The following RBFOX1 variants were observed in gnomAD, a reference collection of about 807,000 sequenced individuals.
The protein encoded by RBFOX1 is RNA binding protein fox-1 homolog 1.
RBFOX1 carries 8 observed loss-of-function variants against 57.7 expected under a neutral mutation model. The observed-to-expected ratio is 0.14, with a 90% CI of 0.08 to 0.25. The LOEUF is 0.25. RBFOX1 is among the 10% of genes least tolerant of loss of function. RBFOX1 has a pLI of 1.00. For missense variants in RBFOX1, 611 were observed against 548.5 expected (o/e 1.11, Z -1.14); for synonymous variants, 326 against 222.4 (o/e 1.47, Z -4.15).
chr16:5,776,620 T>G (rs905199961), intron 3 of RBFOX1, among the ~76,000 whole-genome samples: 13 of 152,260 alleles, frequency 8.5e-5, no homozygotes, highest in African/African-American at 3.1e-4. Context: ...TTGTCCACAG[T>G]GAGCCTTCAT....
chr16:6,610,549 C>G (rs59169023), intron 2 of RBFOX1, among the ~76,000 whole-genome samples: 1,959 of 152,192 alleles, frequency 0.013, 57 homozygotes, highest in African/African-American at 0.044. Context: ...AGACTGCTCT[C>G]AAAATCCTGG....
At chr16:6,658,435 C>T (rs902104373) in intron 3 of RBFOX1, among the ~76,000 whole-genome samples, 2 of 152,018 alleles carry the variant, frequency 1.3e-5, no homozygotes, top group Non-Finnish European at 2.9e-5. Context: ...TCTTGAACTC[C>T]TGACCTCGTG....
intron 4 of RBFOX1, among the ~76,000 whole-genome samples, chr16:7,403,460 T>A (rs2098278215): frequency 6.6e-6 from 1 of 152,182 alleles, no homozygotes; most frequent in South Asian, 2.1e-4. Flanking sequence ...TTTTAGATCC[T>A]GCATGTAAGT....
At chr16:6,551,467 A>G (rs1373608038) in intron 2 of RBFOX1, among the ~76,000 whole-genome samples, 1 of 152,226 alleles carries the variant, frequency 6.6e-6, no homozygotes, top group Non-Finnish European at 1.5e-5. Flanking sequence ...GCTGTCTAAC[A>G]TAAGTAACCA....
At position 7,653,887 on chromosome 16, in the gene RBFOX1, G is replaced by A. The variant is rs376377058; in HGVS notation, c.830G>A (p.Arg277His). 1 of 1,601,450 alleles carries A rather than the reference G, an allele frequency of 6.2e-7. No homozygotes were observed. Among genetic ancestry groups the A allele is most frequent in the Non-Finnish European group, 8.5e-7 (1 of 1,178,918 alleles). Residue 277 changes from arginine (R) to histidine (H), a missense_variant, in exon 12 of 16, where the codon CGC (arginine) becomes CAC (histidine). Coordinates refer to ENST00000550418, the MANE Select transcript of RBFOX1 (RefSeq NM_018723.4). ...GGGGCGCACCTGCGAGGCCGCGGTC[G>A]CACCGTGTACAACACCTTCAGGGCC... ...YRGAHLRGRG[R>H]TVYNTFRAAA... is the part of the protein sequence containing the mutation.
At chr16:6,131,968 T>C (rs2096633053) in intron 1 of RBFOX1, among the ~76,000 whole-genome samples, 1 of 152,226 alleles carries the variant, frequency 6.6e-6, no homozygotes, top group African/African-American at 2.4e-5. Context: ...TTAAAACTGA[T>C]CTGCCTTCGT....
intron 4 of RBFOX1, among the ~76,000 whole-genome samples, chr16:7,391,251 T>A (rs1439006634): frequency 1.3e-5 from 2 of 152,184 alleles, no homozygotes; most frequent in Non-Finnish European, 2.9e-5. Context: ...CAGTCTCTTT[T>A]TAGAATAGCA....
intron 3 of RBFOX1, among the ~76,000 whole-genome samples, chr16:5,642,401 G>A (rs2048910585): frequency 6.6e-6 from 1 of 152,172 alleles, no homozygotes; most frequent in South Asian, 2.1e-4. Flanking sequence ...TTAAAAGAGG[G>A]AGGCTTGGTA....
chr16:5,886,034 C>A (rs760110137), intron 4 of RBFOX1, among the ~76,000 whole-genome samples: 10 of 152,070 alleles, frequency 6.6e-5, no homozygotes, highest in Non-Finnish European at 1.2e-4. Flanking sequence ...AACACCTCTC[C>A]CTTCACTCCC....
intron 2 of RBFOX1, among the ~76,000 whole-genome samples, chr16:6,546,141 C>T (rs1356734144): frequency 2.0e-5 from 3 of 152,240 alleles, no homozygotes; most frequent in Non-Finnish European, 4.4e-5. Context: ...CATCTTGGGC[C>T]ACATGTGACC....
chr16:7,538,418 A>G (rs781617060), intron 5 of RBFOX1, among the ~76,000 whole-genome samples: 1 of 152,108 alleles, frequency 6.6e-6, no homozygotes, highest in Admixed American at 6.5e-5. Flanking sequence ...AGGAAAATGT[A>G]ATTCTCCTCA....
chr16:5,640,724 A>G (rs974461953), intron 3 of RBFOX1, among the ~76,000 whole-genome samples: 2 of 150,366 alleles, frequency 1.3e-5, no homozygotes, highest in Admixed American at 1.3e-4. Context: ...TACACTATGC[A>G]TAGAAACCCA....
intron 3 of RBFOX1, among the ~76,000 whole-genome samples, chr16:6,856,888 TAGAGAC>T (rs1396298657): frequency 6.6e-6 from 1 of 151,950 alleles, no homozygotes; most frequent in Non-Finnish European, 1.5e-5. Flanking sequence ...TGCAAAATGT[TAGAGAC>T]AGAGAAAGGG....
At chr16:6,420,364 C>A (rs6500782) in intron 2 of RBFOX1, among the ~76,000 whole-genome samples, 1 of 151,890 alleles carries the variant, frequency 6.6e-6, no homozygotes, top group Non-Finnish European at 1.5e-5. Flanking sequence ...CTACCTCTTT[C>A]ATTTTTTATT....
intron 4 of RBFOX1, among the ~76,000 whole-genome samples, chr16:7,052,476 C>G (rs535760986): frequency 1.3e-5 from 2 of 152,260 alleles, no homozygotes; most frequent in South Asian, 4.1e-4. Context: ...GGCTAAAATG[C>G]TCTTTGGCTG....
Position 5,917,754 on chromosome 16 carries a change from A to AT in RBFOX1, c.351+50425dup, listed in dbSNP as rs573271642. On this transcript the variant is annotated intron_variant, in intron 4 of 19. Transcript: ENST00000641259. The stretch of plus-strand genomic sequence containing the variant: ...CTTCACCACGTGATCCCTCAAATGT[A>AT]TTTTTTAATGTAGTCTCAAAGTGTG... Among the ~76,000 whole-genome samples, 29 of 152,216 alleles carry AT rather than the reference A, an allele frequency of 1.9e-4. No homozygotes were observed. The South Asian group carries it at 6.0e-3, about 32-fold the overall frequency.
chr16:7,567,531 G>A (rs772665489), intron 5 of RBFOX1, among the ~76,000 whole-genome samples: 51 of 25,780 alleles, frequency 2.0e-3, no homozygotes, highest in Non-Finnish European at 2.5e-3. Context: ...ATATCCCTAT[G>A]TATGGCCCTA....
intron 1 of RBFOX1, among the ~76,000 whole-genome samples, chr16:6,124,188 C>G (rs1056122434): frequency 6.6e-6 from 1 of 152,172 alleles, no homozygotes; most frequent in African/African-American, 2.4e-5. Context: ...AAAACTGAAA[C>G]TGGATTCCCT....
chr16:7,357,475 C>T (rs1452213276), intron 4 of RBFOX1, among the ~76,000 whole-genome samples: 1 of 152,104 alleles, frequency 6.6e-6, no homozygotes, highest in Non-Finnish European at 1.5e-5. Flanking sequence ...TTGGCCTCAC[C>T]TTTTTGCCCT....
Sources: gnomAD v4.1 joint callset for allele counts (sites outside exome capture counted in the v4.1 genomes callset) on GRCh38, gnomAD v4.1.1 for gene constraint, MANE v1.5 for transcripts, NCBI Gene and HGNC (gene_info 2026-07-23, HGNC 2026-07-21) for gene names.